RORA: variants seen among roughly 807,000 people sequenced by gnomAD.
The protein encoded by RORA is nuclear receptor ROR-alpha.
A neutral mutation model predicts 69.5 loss-of-function variants in RORA; 7 were observed. The ratio of observed to expected loss-of-function variants is 0.10; its 90% confidence interval spans 0.06 to 0.19. RORA has a LOEUF of 0.19. Ranked by LOEUF, RORA falls within the 10% of genes least tolerant of loss-of-function variation. The pLI is 1.00. For missense variants in RORA, 457 were observed against 663.0 expected (o/e 0.69, Z 3.41); for synonymous variants, 261 against 240.8 (o/e 1.08, Z -0.78).
At chr15:60,763,096 T>TTTTTTTTTTTTTTTTTA (rs375632043) in intron 1 of RORA, among the ~76,000 whole-genome samples, 5 of 109,432 alleles carry the variant, frequency 4.6e-5, no homozygotes, top group Non-Finnish European at 5.8e-5. Context: ...TTTTTTTTTT[T>TTTTTTTTTTTTTTTTTA]AACCAACCTA....
At chr15:60,555,225 A>G (rs2140402869) in intron 2 of RORA, among the ~76,000 whole-genome samples, 1 of 152,268 alleles carries the variant, frequency 6.6e-6, no homozygotes, top group Non-Finnish European at 1.5e-5. Context: ...ATTCATGCCC[A>G]TTGATTAAAT....
intron 1 of RORA, among the ~76,000 whole-genome samples, chr15:61,053,363 G>A (rs1566965373): frequency 6.6e-6 from 1 of 151,922 alleles, no homozygotes; most frequent in Admixed American, 6.6e-5. Flanking sequence ...TGACAAAAAG[G>A]ACAAAGGCCC....
intron 1 of RORA, chr15:60,841,090 G>A (rs909970016): frequency 8.1e-5 from 80 of 985,048 alleles, no homozygotes; most frequent in Middle Eastern, 5.2e-4. Flanking sequence ...CTGACTCCCC[G>A]TGAGCATTTT....
At chr15:60,951,073 G>A (rs907157305) in intron 1 of RORA, among the ~76,000 whole-genome samples, 73 of 150,788 alleles carry the variant, frequency 4.8e-4, no homozygotes, top group African/African-American at 1.6e-3. Flanking sequence ...AAAGAACAGA[G>A]ATTATAACAA....
At chr15:61,103,482 C>G (rs767457337) in intron 1 of RORA, among the ~76,000 whole-genome samples, 2 of 152,164 alleles carry the variant, frequency 1.3e-5, no homozygotes, top group African/African-American at 2.4e-5. Context: ...TGGGGTGCCC[C>G]CTGCAGCAGA....
intron 1 of RORA, among the ~76,000 whole-genome samples, chr15:61,058,250 G>T (rs1031793342): frequency 6.6e-6 from 1 of 152,138 alleles, no homozygotes; most frequent in Non-Finnish European, 1.5e-5. Flanking sequence ...GATCAGAAAG[G>T]CAGGGTGTCG....
intron 1 of RORA, among the ~76,000 whole-genome samples, chr15:61,099,828 T>G (rs1205674375): frequency 6.6e-6 from 1 of 152,186 alleles, no homozygotes; most frequent in Non-Finnish European, 1.5e-5. Flanking sequence ...GAAACAAAGT[T>G]CAAATCCTTC....
In RORA at chr15:60,734,358, A is replaced by C. The variant is rs142208752; in HGVS notation, c.167-55672T>G. On this transcript the variant is annotated intron_variant, in intron 1 of 10. Coordinates refer to ENST00000335670, the MANE Select transcript of RORA (RefSeq NM_134261.3). ...GGACCACTACCCTAAACACAAGCCA[A>C]CTACCACATCTGGAGCTCCACTGAA... is the stretch of plus-strand genomic sequence containing the variant. Among the ~76,000 whole-genome samples, 366 of 152,296 alleles carry C rather than the reference A, an allele frequency of 2.4e-3. 3 individuals carry two copies. The highest frequency in any genetic ancestry group is 8.5e-3 in the African/African-American group (352 of 41,536).
At chr15:61,024,701 T>G (rs988695396) in intron 1 of RORA, among the ~76,000 whole-genome samples, 5 of 152,114 alleles carry the variant, frequency 3.3e-5, no homozygotes, top group Non-Finnish European at 7.4e-5. Flanking sequence ...CCTGCCCACC[T>G]CAGCCTCCAA....
chr15:61,034,853 G>A (rs2140454281), intron 1 of RORA, among the ~76,000 whole-genome samples: 1 of 145,448 alleles, frequency 6.9e-6, no homozygotes, highest in Non-Finnish European at 1.5e-5. Context: ...AGAATTTTCT[G>A]AAGTTAGCCA....
chr15:61,010,243 A>G (rs1391180395), intron 1 of RORA, among the ~76,000 whole-genome samples: 1 of 152,158 alleles, frequency 6.6e-6, no homozygotes, highest in Non-Finnish European at 1.5e-5. Context: ...AGAATTTGGG[A>G]CAGGTAATTT....
chr15:61,081,568 G>A (rs954952877), intron 1 of RORA, among the ~76,000 whole-genome samples: 1 of 152,168 alleles, frequency 6.6e-6, no homozygotes, highest in Non-Finnish European at 1.5e-5. Flanking sequence ...AGCACTTTGG[G>A]AGGCCGACGT....
At chr15:61,193,775 T>C (rs1444178625) in intron 1 of RORA, among the ~76,000 whole-genome samples, 1 of 152,178 alleles carries the variant, frequency 6.6e-6, no homozygotes, top group Non-Finnish European at 1.5e-5. Context: ...AGAGGCTCAA[T>C]CATTTTCTCA....
intron 1 of RORA, among the ~76,000 whole-genome samples, chr15:60,947,090 C>T (rs1279230485): frequency 1.3e-5 from 2 of 148,374 alleles, no homozygotes; most frequent in African/African-American, 4.9e-5. Context: ...ACCGGCCAGC[C>T]GCCCTGTCCG....
chr15:61,080,750 T>A (rs2078527207), intron 1 of RORA, among the ~76,000 whole-genome samples: 1 of 152,172 alleles, frequency 6.6e-6, no homozygotes, highest in Non-Finnish European at 1.5e-5. Flanking sequence ...TTGCTAGATA[T>A]GGGTGTGAAT....
chr15:60,760,039 T>A (rs914613045), intron 1 of RORA, among the ~76,000 whole-genome samples: 5 of 152,236 alleles, frequency 3.3e-5, no homozygotes, highest in Non-Finnish European at 7.3e-5. Flanking sequence ...TTAATAGTTT[T>A]AAATTTGAAG....
At chr15:60,733,391 T>A (rs1017177882) in intron 1 of RORA, among the ~76,000 whole-genome samples, 1 of 152,232 alleles carries the variant, frequency 6.6e-6, no homozygotes, top group Non-Finnish European at 1.5e-5. Flanking sequence ...CCCCAGGGCA[T>A]GCAGTTTTTG....
chr15:61,189,910 T>A (rs2079781292), intron 1 of RORA, among the ~76,000 whole-genome samples: 1 of 142,368 alleles, frequency 7.0e-6, no homozygotes, highest in South Asian at 2.3e-4. Flanking sequence ...TATTCCAGCA[T>A]TATTTATCAT....
intron 1 of RORA, among the ~76,000 whole-genome samples, chr15:61,176,736 T>A (rs1432600751): frequency 2.0e-5 from 3 of 152,226 alleles, no homozygotes; most frequent in African/African-American, 7.2e-5. Flanking sequence ...GTTGTGTAAT[T>A]CATAGTAAAA....
Sources: gnomAD v4.1 joint callset for allele counts (sites outside exome capture counted in the v4.1 genomes callset) on GRCh38, gnomAD v4.1.1 for gene constraint, MANE v1.5 for transcripts, NCBI Gene and HGNC (gene_info 2026-07-23, HGNC 2026-07-21) for gene names.